ST3GAL1: variants seen among roughly 807,000 people sequenced by gnomAD.
ST3GAL1 encodes the protein ST3 beta-galactoside alpha-2,3-sialyltransferase 1.
In ST3GAL1, 16 loss-of-function variants were observed where a neutral mutation model predicts 34.1. That is an observed-to-expected ratio of 0.47 (90% CI 0.32 to 0.71). The LOEUF is 0.71. Ranked by LOEUF, ST3GAL1 falls within the 30% of genes least tolerant of loss-of-function variation. The pLI is 0.04. For synonymous variants in ST3GAL1, 191 were observed against 184.7 expected, an observed-to-expected ratio of 1.03 and a Z score of -0.28; for missense variants, 353 against 447.4, an observed-to-expected ratio of 0.79 and a Z score of 1.90.
At chr8:133,551,550 G>GAAAGA (rs1563738967) in intron 1 of ST3GAL1, among the ~76,000 whole-genome samples, 2 of 37,056 alleles carry the variant, frequency 5.4e-5, no homozygotes, top group Admixed American at 2.4e-4. Flanking sequence ...AGGAAAGAAA[G>GAAAGA]AAAGAAAGAA....
intron 3 of ST3GAL1, among the ~76,000 whole-genome samples, chr8:133,486,366 C>G (rs1816595984): frequency 6.6e-6 from 1 of 152,214 alleles, no homozygotes; most frequent in African/African-American, 2.4e-5. Flanking sequence ...GAGTGTGAGC[C>G]CTCCCTTCCC....
chr8:133,468,005 C>T (rs1041851617), intron 5 of ST3GAL1, among the ~76,000 whole-genome samples: 30 of 152,168 alleles, frequency 2.0e-4, no homozygotes, highest in African/African-American at 6.8e-4. Flanking sequence ...GAAAATGGAA[C>T]TCGTGCATTG....
rs184495472 is a variant in ST3GAL1 at position 133,513,176 on chromosome 8, T to C, written c.-428-13987A>G. Among the ~76,000 whole-genome samples the C allele has an allele frequency of 7.4e-4, 113 of 152,144 alleles. 1 individual carries two copies. In the East Asian group the frequency reaches 0.013, roughly 17 times the overall value. On this transcript the variant is annotated intron_variant, in intron 2 of 9. Transcript: ENST00000522652. ...AGGATGAGGGGACACCCCTCTGGAG[T>C]GCTACCCCCACCCCAGCCCTGCTGA...
At chr8:133,464,201 G>A (rs1815635955) in intron 7 of ST3GAL1, among the ~76,000 whole-genome samples, 1 of 152,190 alleles carries the variant, frequency 6.6e-6, no homozygotes. Context: ...AGTCCTCACT[G>A]GGAGGAGCTA....
intron 9 of ST3GAL1, among the ~76,000 whole-genome samples, chr8:133,460,834 AG>A (rs1454828619): frequency 6.7e-6 from 1 of 148,824 alleles, no homozygotes; most frequent in Non-Finnish European, 1.5e-5. Context: ...AATTGCATGG[AG>A]GGGCTTCCAG....
rs34406789 is a variant in ST3GAL1, at chr8:133,528,009, G to GA, written c.-429+17764dup. On this transcript the variant is annotated intron_variant, in intron 2 of 9. Coordinates refer to ENST00000522652, the MANE Select transcript of ST3GAL1 (RefSeq NM_173344.3). ...AACATGGTGAAACCTCATCTCTACT[G>GA]AAAAAAAAAAAAAAAATTAGCTGGG... Among the ~76,000 whole-genome samples the GA allele has an allele frequency of 4.7e-3, 666 of 140,248 alleles. 1 individual carries two copies. The highest frequency in any genetic ancestry group is 0.011 in the Middle Eastern group (3 of 274). 92.0% of individuals were successfully genotyped at this position (140,248 alleles called of 152,430 possible).
chr8:133,513,954 C>T (rs924307629), intron 2 of ST3GAL1, among the ~76,000 whole-genome samples: 1 of 151,678 alleles, frequency 6.6e-6, no homozygotes, highest in Non-Finnish European at 1.5e-5. Flanking sequence ...AGACTAAATG[C>T]CCTGAATGAC....
At position 133,570,842 on chromosome 8, in the gene ST3GAL1, C is replaced by T. The variant is rs1819548058; in HGVS notation, c.-582+851G>A. 6.6e-6 allele frequency among the ~76,000 whole-genome samples: 1 copy of T among 152,244 alleles called. No homozygotes were observed. The highest frequency in any genetic ancestry group is 6.5e-5 in the Admixed American group (1 of 15,284). On this transcript the variant is annotated intron_variant, in intron 1 of 9. Coordinates refer to ENST00000522652, the MANE Select transcript of ST3GAL1 (RefSeq NM_173344.3). The surrounding 1 kb of genome is among the most constrained non-coding windows in gnomAD (Gnocchi z 5.6). Reference sequence around the variant, plus strand: ...CTCCCAGAAGGGGTGGCCCTGCCCCCACGCAGGTCACACACACGAGAGACA... The same window carrying T: ...CTCCCAGAAGGGGTGGCCCTGCCCCTACGCAGGTCACACACACGAGAGACA...
At chr8:133,495,120 A>G (rs1225354200) in intron 3 of ST3GAL1, among the ~76,000 whole-genome samples, 1 of 151,744 alleles carries the variant, frequency 6.6e-6, no homozygotes, top group Non-Finnish European at 1.5e-5. Flanking sequence ...GGGTTTCACT[A>G]TATTAGCCAG....
At chr8:133,473,999 C>A (rs747755781) in intron 5 of ST3GAL1, among the ~76,000 whole-genome samples, 1 of 152,200 alleles carries the variant, frequency 6.6e-6, no homozygotes, top group Non-Finnish European at 1.5e-5. Flanking sequence ...AGAGCCCACC[C>A]CAGGACCTGC....
chr8:133,472,659 C>T (rs1045688249), intron 5 of ST3GAL1, among the ~76,000 whole-genome samples: 2 of 152,034 alleles, frequency 1.3e-5, no homozygotes, highest in African/African-American at 4.8e-5. Flanking sequence ...TTTTAGAACC[C>T]CAAAGCTCTA....
chr8:133,519,921 G>T (rs113982779), intron 2 of ST3GAL1, among the ~76,000 whole-genome samples: 23,765 of 152,198 alleles, frequency 0.16, 1,926 homozygotes, highest in Middle Eastern at 0.2. Flanking sequence ...CTGTGCTCCA[G>T]CCTGAGTGAA....
chr8:133,535,927 G>A (rs1197571941), intron 2 of ST3GAL1, among the ~76,000 whole-genome samples: 3 of 152,200 alleles, frequency 2.0e-5, no homozygotes, highest in African/African-American at 7.2e-5. Context: ...TAATTTGTAT[G>A]ACTTGCTCTA....
chr8:133,494,816 C>T, intron 3 of ST3GAL1, among the ~76,000 whole-genome samples: 1 of 152,010 alleles, frequency 6.6e-6, no homozygotes, highest in East Asian at 1.9e-4. Context: ...TAAGGTCATT[C>T]CTTTACTCAA....
At chr8:133,500,220 G>A (rs777039856) in intron 2 of ST3GAL1, among the ~76,000 whole-genome samples, 15 of 152,140 alleles carry the variant, frequency 9.9e-5, no homozygotes, top group Non-Finnish European at 2.1e-4. Context: ...TTTCTGAGCT[G>A]TTAAGACCGC....
chr8:133,478,444 G>A (rs537983248), intron 3 of ST3GAL1, among the ~76,000 whole-genome samples: 3 of 152,104 alleles, frequency 2.0e-5, no homozygotes, highest in Admixed American at 1.3e-4. Flanking sequence ...TGAACAACCC[G>A]AACAAATGGT....
intron 2 of ST3GAL1, among the ~76,000 whole-genome samples, chr8:133,541,355 G>A (rs1432328798): frequency 6.6e-6 from 1 of 151,870 alleles, no homozygotes; most frequent in Non-Finnish European, 1.5e-5. Context: ...AGCTCTCCCA[G>A]GAAAGCACTC....
intron 2 of ST3GAL1, among the ~76,000 whole-genome samples, chr8:133,524,250 T>A (rs1399590323): frequency 6.6e-6 from 1 of 152,154 alleles, no homozygotes; most frequent in Non-Finnish European, 1.5e-5. Context: ...ATTTTTCAGA[T>A]GAAAATGTGA....
In ST3GAL1 at chr8:133,456,193, C is replaced by A. The variant is rs754231000; in HGVS notation, c.*3571G>T. The A allele has an allele frequency of 6.6e-6, 1 of 152,346 alleles. No homozygotes were observed. The highest frequency in any genetic ancestry group is 1.5e-5 in the Non-Finnish European group (1 of 68,032). 9.4% of individuals were successfully genotyped at this position (152,346 alleles called of 1,614,324 possible). A position where few individuals can be genotyped will look rare whatever the true frequency, so the allele number is the denominator to read the frequency against. Reference sequence around the variant, plus strand: ...GATCCCTGCAGAGAACCAGAGGTTACAAATCTGCCCTCCTTTCTCCCCTAA... The same window carrying A: ...GATCCCTGCAGAGAACCAGAGGTTAAAAATCTGCCCTCCTTTCTCCCCTAA... On this transcript the variant is annotated 3_prime_UTR_variant, in exon 10 of 10. Coordinates refer to ENST00000522652, the MANE Select transcript of ST3GAL1 (RefSeq NM_173344.3).
Sources: allele counts gnomAD v4.1 joint callset (sites outside exome capture counted in the v4.1 genomes callset), GRCh38; gene constraint gnomAD v4.1.1; non-coding constraint Gnocchi (gnomAD v3.1); transcripts MANE v1.5; gene names NCBI Gene and HGNC (gene_info 2026-07-23, HGNC 2026-07-21).